Variants in FST observed in about 807,000 individuals in gnomAD.
FST encodes the protein activin-binding protein.
Under a neutral mutation model 38.4 loss-of-function variants are expected in FST, and 6 were observed. That is an observed-to-expected ratio of 0.16 (90% CI 0.09 to 0.31). The LOEUF is 0.31. Ranked by LOEUF, FST falls within the 10% of genes least tolerant of loss-of-function variation. FST has a pLI of 1.00. For missense variants in FST, 301 were observed against 432.3 expected (o/e 0.70, Z 2.69); for synonymous variants, 157 against 169.8 (o/e 0.92, Z 0.59).
At chr5:53,482,694 T>C in intron 1 of FST, 186 bp from the exon 2 acceptor site, 1 of 509,808 alleles carries the variant, frequency 2.0e-6, no homozygotes, top group Non-Finnish European at 3.5e-6. Context: ...CACTGCCTTC[T>C]TTTTCCACCC....
At chr5:53,485,482 G>A (rs1242789818) in intron 5 of FST, among the ~76,000 whole-genome samples, 2 of 151,364 alleles carry the variant, frequency 1.3e-5, no homozygotes, top group South Asian at 2.1e-4. Context: ...TATTTCTTGT[G>A]TTTTGGTAGT....
In FST at chr5:53,484,215, TC is replaced by T; in HGVS notation, c.645del (p.Ser216ValfsTer5). On this transcript the variant is annotated frameshift_variant, in exon 4 of 6. Coordinates refer to ENST00000256759, the MANE Select transcript of FST (RefSeq NM_013409.3). LOFTEE classifies it high-confidence loss of function. ...CTGTGGGAATGATGGAGTCACCTAC[TC>T]CAGTGCCTGCCACCTGAGAAAGGCT... ...YLCGNDGVTYSSACHLRKATC... is the reference protein window; with the variant it reads ...YLCGNDGVTYXSACHLRKATC... 1 of 1,613,140 alleles carries T rather than the reference TC, an allele frequency of 6.2e-7. No individual in the cohort carries two copies. Among genetic ancestry groups the T allele is most frequent in the Non-Finnish European group, 8.5e-7 (1 of 1,179,056 alleles).
chr5:53,482,723 A>T, intron 1 of FST, 157 bp from the exon 2 acceptor site: 1 of 535,290 alleles, frequency 1.9e-6, no homozygotes, highest in South Asian at 2.6e-5. Flanking sequence ...CTTTCGATTT[A>T]TTTCCTACTT....
intron 3 of FST, 29 bp from the exon 4 acceptor site, chr5:53,484,040 A>G (rs758996987): frequency 5.6e-6 from 9 of 1,595,606 alleles, no homozygotes; most frequent in Middle Eastern, 3.6e-4. Flanking sequence ...GAAGGTACCT[A>G]TTCATGTGTG....
chr5:53,481,271 T>C (rs1329671908), intron 1 of FST, among the ~76,000 whole-genome samples: 5 of 140,022 alleles, frequency 3.6e-5, no homozygotes, highest in Non-Finnish European at 6.2e-5. Context: ...TTTGGATACT[T>C]AAAAAAAAAA....
rs893682575 is a variant in FST, at chr5:53,482,924, G to C, written c.130G>C (p.Val44Leu). The change falls in exon 2 of 6, where the codon GTC (valine) becomes CTC (leucine). Residue 44 changes from valine (V) to leucine (L), a missense_variant. Val to Leu is a conservative substitution (Grantham distance 32). Transcript: ENST00000256759. ...TCAAGCGAAGAACGGCCGCTGCCAGGTCCTGTACAAGACCGAACTGAGCAA... is the reference window on the plus strand; with the variant it reads ...TCAAGCGAAGAACGGCCGCTGCCAGCTCCTGTACAAGACCGAACTGAGCAA... ...LRQAKNGRCQ[V>L]LYKTELSKEE... 6.2e-7 allele frequency: 1 copy of C among 1,613,490 alleles called. No individual in the cohort carries two copies. The highest frequency in any genetic ancestry group is 8.5e-7 in the Non-Finnish European group (1 of 1,179,570).
chr5:53,485,974 G>C lies in FST; in HGVS notation c.976G>C (p.Glu326Gln). 1 of 1,600,174 alleles carries C rather than the reference G, an allele frequency of 6.2e-7. No homozygotes were observed. Among genetic ancestry groups the C allele is most frequent in the Non-Finnish European group, 8.5e-7 (1 of 1,174,828 alleles). Residue 326 changes from glutamate to glutamine, a missense_variant, in exon 6 of 6, where the codon GAG becomes CAG. Transcript: ENST00000256759. ...CNSISEDTEEEEEDEDQDYSF... is the reference protein window; with the variant it reads ...CNSISEDTEEQEEDEDQDYSF... The stretch of plus-strand genomic sequence containing the variant: ...AGCCATTTCGGAAGACACCGAGGAA[G>C]AGGAGGAAGATGAAGACCAGGACTA...
In FST at chr5:53,483,698, G is replaced by A; in HGVS notation, c.472G>A (p.Val158Ile). 2 of 1,613,836 alleles carry A rather than the reference G, an allele frequency of 1.2e-6. No homozygotes were observed. The highest frequency in any genetic ancestry group is 1.1e-5 in the South Asian group (1 of 91,078). Residue 158 changes from valine to isoleucine, a missense_variant, in exon 3 of 6, where the codon GTC becomes ATC. Transcript: ENST00000256759. This position sits in a 1 kb window ranked among gnomAD's most constrained non-coding sequence, Gnocchi z 4.1. ...ATGTAAAGAGCAGCCAGAACTGGAA[G>A]TCCAGTACCAAGGCAGATGTAAAAG... ...ARCKEQPELE[V>I]QYQGRCKKTC...
chr5:53,484,927 G>T (rs1747456842), intron 4 of FST, 70 bp from the exon 5 acceptor site: 1 of 787,342 alleles, frequency 1.3e-6, no homozygotes, highest in Admixed American at 1.7e-5. Context: ...ATTGATAGAG[G>T]ACTAGAGAAA....
rs1747416796 is a variant in FST at position 53,484,303 on chromosome 5, C to G, written c.721+10C>G. 6.2e-7 allele frequency: 1 copy of G among 1,611,834 alleles called. No individual in the cohort carries two copies. The highest frequency in any genetic ancestry group is 1.3e-5 in the African/African-American group (1 of 74,894). ...GAGGGAAAGTGTATCAGTAGGTATT[C>G]TGGATTGAGGAAGGAAAAAGAGAAA... On this transcript the variant is annotated intron_variant, in intron 4 of 5. Transcript: ENST00000256759.
chr5:53,485,764 A>C, intron 5 of FST, 187 bp from the exon 6 acceptor site: 1 of 1,594,530 alleles, frequency 6.3e-7, no homozygotes, highest in Non-Finnish European at 8.5e-7. Flanking sequence ...ATGCTTTAAA[A>C]AAATTTTTTT....
At chr5:53,485,705 T>C in intron 5 of FST, 1 of 1,611,122 alleles carries the variant, frequency 6.2e-7, no homozygotes, top group Non-Finnish European at 8.5e-7. Context: ...CCGTAAAACC[T>C]GAGCCATTGA....
chr5:53,485,811 A>T, intron 5 of FST, 140 bp from the exon 6 acceptor site: 1 of 1,595,852 alleles, frequency 6.3e-7, no homozygotes, highest in Non-Finnish European at 8.5e-7. Context: ...AAAACAAAAA[A>T]AGCATCTCAC....
In FST at chr5:53,483,790, C is replaced by A. The variant is rs1189358635; in HGVS notation, c.496+68C>A. 2.6e-6 allele frequency: 3 copies of A among 1,156,082 alleles called. No homozygotes were observed. In the Admixed American group the frequency reaches 5.6e-5, roughly 22 times the overall value. 71.6% of individuals were successfully genotyped at this position (1,156,082 alleles called of 1,614,324 possible). A position where few individuals can be genotyped will look rare whatever the true frequency, so the allele number is the denominator to read the frequency against. ...TCCAGCTTTGTACCTAAAGTAGACC[C>A]TCTAGAAGACCCTTGGGGGATGGTG... On this transcript the variant is annotated intron_variant, in intron 3 of 5. Transcript: ENST00000256759. This position sits in a 1 kb window ranked among gnomAD's most constrained non-coding sequence, Gnocchi z 4.1.
intron 1 of FST, 151 bp from the exon 2 acceptor site, chr5:53,482,729 T>C: frequency 1.8e-6 from 1 of 565,532 alleles, no homozygotes; most frequent in South Asian, 2.3e-5. Flanking sequence ...ATTTATTTCC[T>C]ACTTTTCTCC....
In FST at chr5:53,483,569, C is replaced by T; in HGVS notation, c.343C>T (p.Arg115Cys). The T allele has an allele frequency of 6.2e-7, 1 of 1,614,172 alleles. No homozygotes were observed. Among genetic ancestry groups the T allele is most frequent in the Non-Finnish European group, 8.5e-7 (1 of 1,180,000 alleles). ...CCGAATGAACAAGAAGAACAAACCC[C>T]GCTGCGTCTGCGCCCCGGATTGTTC... ...KCRMNKKNKP[R>C]CVCAPDCSNI... The change falls in exon 3 of 6, where the codon CGC becomes TGC. Residue 115 changes from arginine to cysteine, a missense_variant. Coordinates refer to ENST00000256759, the MANE Select transcript of FST (RefSeq NM_013409.3). This position sits in a 1 kb window ranked among gnomAD's most constrained non-coding sequence, Gnocchi z 4.1.
rs1387256419 is a variant in FST at position 53,483,994 on chromosome 5, C to T, written c.497-75C>T. 3 of 1,269,628 alleles carry T rather than the reference C, an allele frequency of 2.4e-6. No homozygotes were observed. The highest frequency in any genetic ancestry group is 2.9e-5 in the African/African-American group (2 of 68,058). 78.6% of individuals were successfully genotyped at this position (1,269,628 alleles called of 1,614,324 possible). On this transcript the variant is annotated intron_variant, in intron 3 of 5. Transcript: ENST00000256759. This position sits in a 1 kb window ranked among gnomAD's most constrained non-coding sequence, Gnocchi z 4.1. ...GCTGGATGCTTCAGTGTCATGATTTCCTTGGTAACTTCAAGTGCTCACTCC... is the reference window on the plus strand; with the variant it reads ...GCTGGATGCTTCAGTGTCATGATTTTCTTGGTAACTTCAAGTGCTCACTCC...
rs1485080772 is a variant in FST at position 53,483,017 on chromosome 5, C to A, written c.223C>A (p.Leu75Ile). 6.2e-7 allele frequency: 1 copy of A among 1,614,024 alleles called. No individual in the cohort carries two copies. Among genetic ancestry groups the A allele is most frequent in the Non-Finnish European group, 8.5e-7 (1 of 1,179,854 alleles). The change falls in exon 2 of 6, where the codon CTC becomes ATC. Residue 75 changes from leucine (L) to isoleucine (I), a missense_variant. Leu to Ile is a conservative substitution (Grantham distance 5, BLOSUM62 2). Transcript: ENST00000256759. The surrounding 1 kb of genome is among the most constrained non-coding windows in gnomAD (Gnocchi z 4.1). ...WTEEDVNDNT[L>I]FKWMIFNGGA... ...CGAGGAGGACGTGAATGACAACACA[C>A]TCTTCAAGTGGATGATTTTCAACGG...
intron 4 of FST, among the ~76,000 whole-genome samples, chr5:53,484,675 G>A (rs189773921): frequency 6.6e-6 from 1 of 152,150 alleles, no homozygotes; most frequent in Admixed American, 6.5e-5. Context: ...GATCCCACTT[G>A]TGGGAAATAA....
Sources: gnomAD v4.1 joint callset for allele counts (sites outside exome capture counted in the v4.1 genomes callset) on GRCh38, gnomAD v4.1.1 for gene constraint, Gnocchi (gnomAD v3.1) non-coding constraint, MANE v1.5 for transcripts, NCBI Gene and HGNC (gene_info 2026-07-23, HGNC 2026-07-21) for gene names.